KHDRBS2: variants seen among roughly 807,000 people sequenced by gnomAD.
KHDRBS2 encodes the protein KH RNA binding domain containing, signal transduction associated 2, also known as KH domain-containing, RNA-binding, signal transduction-associated protein 2.
A neutral mutation model predicts 44.3 loss-of-function variants in KHDRBS2; 26 were observed. The ratio of observed to expected loss-of-function variants is 0.59; its 90% confidence interval spans 0.43 to 0.81. The LOEUF is 0.81. Among genes scored for constraint, KHDRBS2 ranks in the 40% least tolerant of loss-of-function variants. The pLI, the probability that KHDRBS2 is intolerant of heterozygous loss-of-function variation, is 0.00. For synonymous variants in KHDRBS2, 194 were observed against 151.1 expected, an observed-to-expected ratio of 1.28 and a Z score of -2.08; for missense variants, 476 against 433.1, an observed-to-expected ratio of 1.10 and a Z score of -0.88.
At chr6:61,856,520 T>C (rs1276237935) in intron 6 of KHDRBS2, among the ~76,000 whole-genome samples, 1 of 151,626 alleles carries the variant, frequency 6.6e-6, no homozygotes, top group Non-Finnish European at 1.5e-5. Context: ...TTGGATATGA[T>C]AAAAATAAAA....
At chr6:62,027,146 G>A (rs1327936465) in intron 3 of KHDRBS2, among the ~76,000 whole-genome samples, 1 of 151,826 alleles carries the variant, frequency 6.6e-6, no homozygotes. Context: ...CCTTTGTTTC[G>A]ACTGTAGTTT....
chr6:62,195,675 T>C (rs1359401713), intron 1 of KHDRBS2, among the ~76,000 whole-genome samples: 5 of 152,106 alleles, frequency 3.3e-5, no homozygotes, highest in Non-Finnish European at 5.9e-5. Context: ...GGGTACTTGA[T>C]AAATCTTCAG....
chr6:62,054,465 G>T (rs1266171661), intron 2 of KHDRBS2, among the ~76,000 whole-genome samples: 1 of 152,000 alleles, frequency 6.6e-6, no homozygotes, highest in East Asian at 1.9e-4. Context: ...CTAATACCAA[G>T]AATCTGTAAA....
At chr6:61,631,335 A>AAAAAG in the KHDRBS2 span, among the ~76,000 whole-genome samples, 202 of 104,706 alleles carry the variant, frequency 1.9e-3, 28 homozygotes, top group Non-Finnish European at 2.6e-3. Flanking sequence ...AAAAAAAAAA[A>AAAAAG]AAGACAATAC....
At chr6:62,216,707 T>G (rs1830042057) in intron 1 of KHDRBS2, among the ~76,000 whole-genome samples, 1 of 150,476 alleles carries the variant, frequency 6.6e-6, no homozygotes, top group Non-Finnish European at 1.5e-5. Context: ...TTTTTTTTTT[T>G]TTTGTTTTAT....
At chr6:62,074,746 A>G (rs1795991924) in intron 2 of KHDRBS2, among the ~76,000 whole-genome samples, 1 of 151,892 alleles carries the variant, frequency 6.6e-6, no homozygotes, top group African/African-American at 2.4e-5. Context: ...ACCTCCTTCT[A>G]TAACTGCTAT....
chr6:62,270,320 C>T (rs1468047155), intron 1 of KHDRBS2, among the ~76,000 whole-genome samples: 1 of 138,994 alleles, frequency 7.2e-6, no homozygotes, highest in Non-Finnish European at 1.6e-5. Flanking sequence ...CTCTCTCTCT[C>T]CCCCACCCAC....
At chr6:62,073,445 C>CT (rs1473068527) in intron 2 of KHDRBS2, among the ~76,000 whole-genome samples, 1 of 149,540 alleles carries the variant, frequency 6.7e-6, no homozygotes, top group Non-Finnish European at 1.5e-5. Flanking sequence ...TGTTTTGTCT[C>CT]TTTTTCCTTT....
chr6:61,621,167 G>T, the KHDRBS2 span, among the ~76,000 whole-genome samples: 3 of 152,172 alleles, frequency 2.0e-5, no homozygotes, highest in Non-Finnish European at 4.4e-5. Flanking sequence ...CAGAAAATCC[G>T]TGGCAGAAGA....
At chr6:62,238,687 T>C (rs552297976) in intron 1 of KHDRBS2, among the ~76,000 whole-genome samples, 171 of 142,014 alleles carry the variant, frequency 1.2e-3, no homozygotes, top group East Asian at 5.5e-3. Context: ...AAGTTTTATA[T>C]ACACACACAC....
the KHDRBS2 span, among the ~76,000 whole-genome samples, chr6:61,636,073 T>C: frequency 1.3e-5 from 2 of 152,090 alleles, no homozygotes; most frequent in Non-Finnish European, 2.9e-5. Context: ...CAATATTCCG[T>C]AGTTTCTTTC....
At chr6:61,934,652 T>C in intron 4 of KHDRBS2, among the ~76,000 whole-genome samples, 1 of 152,174 alleles carries the variant, frequency 6.6e-6, no homozygotes, top group African/African-American at 2.4e-5. Context: ...AAGAATGTCA[T>C]AATTTACTAT....
the KHDRBS2 span, among the ~76,000 whole-genome samples, chr6:61,632,743 T>C: frequency 1.3e-5 from 2 of 152,222 alleles, no homozygotes; most frequent in Non-Finnish European, 2.9e-5. Flanking sequence ...GCACATTTTC[T>C]CAGGGGTGGT....
the KHDRBS2 span, among the ~76,000 whole-genome samples, chr6:61,589,583 A>G: frequency 1.3e-5 from 2 of 152,208 alleles, no homozygotes; most frequent in Non-Finnish European, 2.9e-5. Context: ...CATCACTCAA[A>G]CATATTCAGA....
intron 6 of KHDRBS2, among the ~76,000 whole-genome samples, chr6:61,847,032 T>C (rs1326743103): frequency 2.6e-5 from 4 of 152,080 alleles, no homozygotes; most frequent in Non-Finnish European, 2.9e-5. Flanking sequence ...ATTTCAAACA[T>C]TTATTAAGAA....
At chr6:61,645,779 T>A in the KHDRBS2 span, among the ~76,000 whole-genome samples, 258 of 152,298 alleles carry the variant, frequency 1.7e-3, 1 homozygote, top group Non-Finnish European at 2.1e-3. Context: ...TTTAACATCA[T>A]GTTTCCAATA....
intron 6 of KHDRBS2, among the ~76,000 whole-genome samples, chr6:61,858,649 T>C (rs1363441468): frequency 5.3e-5 from 8 of 151,932 alleles, no homozygotes; most frequent in Non-Finnish European, 1.0e-4. Context: ...CTCCTAAAGG[T>C]TGAAATTTTG....
At chr6:61,908,142 A>G (rs1469949498) in intron 4 of KHDRBS2, among the ~76,000 whole-genome samples, 1 of 152,182 alleles carries the variant, frequency 6.6e-6, no homozygotes, top group African/African-American at 2.4e-5. Flanking sequence ...GATAATTTAT[A>G]CATACATAAT....
chr6:61,668,896 C>G, the KHDRBS2 span, among the ~76,000 whole-genome samples: 1 of 151,048 alleles, frequency 6.6e-6, no homozygotes, highest in Middle Eastern at 3.4e-3. Flanking sequence ...GTCACACAGA[C>G]TGGGACAAAT....
Sources: allele counts gnomAD v4.1 joint callset (sites outside exome capture counted in the v4.1 genomes callset), GRCh38; gene constraint gnomAD v4.1.1; transcripts MANE v1.5; gene names NCBI Gene and HGNC (gene_info 2026-07-23, HGNC 2026-07-21).